The following CNTN5 variants were observed in gnomAD, a reference collection of about 807,000 sequenced individuals.
The protein encoded by CNTN5 is contactin-5.
Under a neutral mutation model 129.1 loss-of-function variants are expected in CNTN5, and 77 were observed. The ratio of observed to expected loss-of-function variants is 0.60; its 90% CI spans 0.50 to 0.72. CNTN5 has a LOEUF of 0.72. CNTN5 is among the 30% of genes least tolerant of loss of function. CNTN5 has a pLI of 0.00. For missense variants in CNTN5, 1,478 were observed against 1,328.8 expected (o/e 1.11, Z -1.75); for synonymous variants, 509 against 465.6 (o/e 1.09, Z -1.20).
At chr11:99,999,962 A>C (rs543819191) in intron 8 of CNTN5, among the ~76,000 whole-genome samples, 1 of 150,312 alleles carries the variant, frequency 6.7e-6, no homozygotes, top group Non-Finnish European at 1.5e-5. Flanking sequence ...AACAATGAGA[A>C]CACATGGACA....
chr11:100,083,311 C>G (rs61908088), intron 13 of CNTN5, among the ~76,000 whole-genome samples: 3,589 of 115,872 alleles, frequency 0.031, 64 homozygotes, highest in Non-Finnish European at 0.044. Flanking sequence ...GAGCAAAACT[C>G]TGTCTCAAAA....
intron 2 of CNTN5, among the ~76,000 whole-genome samples, chr11:99,334,539 A>G (rs1866139122): frequency 6.6e-6 from 1 of 152,168 alleles, no homozygotes; most frequent in East Asian, 1.9e-4. Context: ...ACACACAGAC[A>G]CACATACACA....
At chr11:99,662,697 A>G (rs1298378502) in intron 3 of CNTN5, among the ~76,000 whole-genome samples, 1 of 152,224 alleles carries the variant, frequency 6.6e-6, no homozygotes. Flanking sequence ...TAGGAGCTCA[A>G]GTACATTTGA....
intron 3 of CNTN5, among the ~76,000 whole-genome samples, chr11:99,774,563 C>A (rs1242602663): frequency 2.0e-5 from 3 of 151,766 alleles, no homozygotes; most frequent in Non-Finnish European, 2.9e-5. Flanking sequence ...TTAATGAGAG[C>A]TAGGAGGCCT....
chr11:99,328,730 CATG>C (rs1865882508), intron 2 of CNTN5, among the ~76,000 whole-genome samples: 1 of 151,508 alleles, frequency 6.6e-6, no homozygotes, highest in East Asian at 1.9e-4. Context: ...ATTAGCCAAG[CATG>C]ATGGTGCATG....
rs116552457 is a variant in CNTN5 at position 99,993,116 on chromosome 11, C to T, written c.878-8918C>T. On this transcript the variant is annotated intron_variant, in intron 8 of 24. Transcript: ENST00000524871. Reference sequence around the variant, plus strand: ...TCTGCCTAACAAAAGGAATTTGAAGCTAAACTGCACAAGATTTGAGATACT... The same window carrying T: ...TCTGCCTAACAAAAGGAATTTGAAGTTAAACTGCACAAGATTTGAGATACT... 2.6e-3 allele frequency among the ~76,000 whole-genome samples: 389 copies of T among 152,240 alleles called. 1 individual carries two copies. The highest frequency in any genetic ancestry group is 8.6e-3 in the African/African-American group (359 of 41,538).
At chr11:99,240,501 C>G (rs17133348) in intron 1 of CNTN5, among the ~76,000 whole-genome samples, 14,813 of 152,142 alleles carry the variant, frequency 0.097, 1,562 homozygotes, top group East Asian at 0.46. Context: ...AGGGCTATCT[C>G]TGGCCTGACT....
At chr11:99,602,778 G>T (rs1950355258) in intron 3 of CNTN5, among the ~76,000 whole-genome samples, 1 of 150,020 alleles carries the variant, frequency 6.7e-6, no homozygotes, top group Non-Finnish European at 1.5e-5. Context: ...CTCCTCAAGT[G>T]GGTCCCTGAC....
intron 2 of CNTN5, among the ~76,000 whole-genome samples, chr11:99,378,963 A>G (rs1940353892): frequency 6.6e-6 from 1 of 152,094 alleles, no homozygotes; most frequent in Admixed American, 6.6e-5. Context: ...AGATAGTTTG[A>G]CATGAATTCA....
chr11:99,339,849 G>A (rs955977840), intron 2 of CNTN5, among the ~76,000 whole-genome samples: 1 of 151,586 alleles, frequency 6.6e-6, no homozygotes, highest in East Asian at 1.9e-4. Context: ...AAGAGTGAGT[G>A]AGATGGAGAG....
intron 3 of CNTN5, among the ~76,000 whole-genome samples, chr11:99,687,431 A>T (rs1009614409): frequency 6.6e-6 from 1 of 152,128 alleles, no homozygotes; most frequent in East Asian, 1.9e-4. Context: ...CTTCTTAAAA[A>T]TGTTTTGAAG....
Position 100,255,895 on chromosome 11 carries a change from T to C in CNTN5, c.2141T>C (p.Leu714Pro). 6.2e-7 allele frequency: 1 copy of C among 1,613,878 alleles called. No individual in the cohort carries two copies. The highest frequency in any genetic ancestry group is 8.5e-7 in the Non-Finnish European group (1 of 1,179,842). Residue 714 changes from leucine to proline, a missense_variant, in exon 17 of 25, where the codon CTG (leucine) becomes CCG (proline). Leu to Pro is a moderately conservative substitution (Grantham distance 98). Transcript: ENST00000524871. ...CTTCAAGCTCGCAGCCCATTTTCCCTGGGCTGGCAAACAGTAAAGACAGGT... is the reference window on the plus strand; with the variant it reads ...CTTCAAGCTCGCAGCCCATTTTCCCCGGGCTGGCAAACAGTAAAGACAGGT... The part of the protein sequence containing the change: ...YNLQARSPFS[L>P]GWQTVKTVPE...
At chr11:99,061,691 C>A (rs1393881002) in intron 1 of CNTN5, among the ~76,000 whole-genome samples, 2 of 152,064 alleles carry the variant, frequency 1.3e-5, no homozygotes, top group Non-Finnish European at 2.9e-5. Flanking sequence ...GAAGGGGAGA[C>A]AATCTCTGTG....
chr11:99,904,920 G>T (rs138350304), intron 6 of CNTN5, among the ~76,000 whole-genome samples: 1,640 of 152,242 alleles, frequency 0.011, 16 homozygotes, highest in Non-Finnish European at 0.015. Flanking sequence ...TCATATGTTT[G>T]TCGGCTGCAT....
chr11:99,985,638 T>C (rs1700309538), intron 8 of CNTN5, among the ~76,000 whole-genome samples: 1 of 152,124 alleles, frequency 6.6e-6, no homozygotes, highest in African/African-American at 2.4e-5. Context: ...AAGGTGGAGT[T>C]TCACCAGGGA....
chr11:99,851,129 T>A (rs1947860417), intron 6 of CNTN5, among the ~76,000 whole-genome samples: 1 of 47,266 alleles, frequency 2.1e-5, no homozygotes, highest in Admixed American at 2.9e-4. Flanking sequence ...ATGAGGAACT[T>A]CATTTTAAAT....
At chr11:100,091,123 CT>C (rs1385020351) in intron 13 of CNTN5, among the ~76,000 whole-genome samples, 1 of 152,080 alleles carries the variant, frequency 6.6e-6, no homozygotes, top group Non-Finnish European at 1.5e-5. Flanking sequence ...TTTCTTCATG[CT>C]CATGAAAGTC....
At chr11:100,210,154 A>G (rs971526708) in intron 15 of CNTN5, among the ~76,000 whole-genome samples, 2 of 147,336 alleles carry the variant, frequency 1.4e-5, no homozygotes, top group African/African-American at 5.1e-5. Flanking sequence ...TGGGCAACAC[A>G]GTGAAAACCT....
intron 3 of CNTN5, among the ~76,000 whole-genome samples, chr11:99,761,749 G>C (rs1353038200): frequency 4.1e-5 from 6 of 145,896 alleles, no homozygotes; most frequent in African/African-American, 1.3e-4. Flanking sequence ...CTTTATAGCA[G>C]CATGATTTAT....
Sources: allele counts gnomAD v4.1 joint callset (sites outside exome capture counted in the v4.1 genomes callset), GRCh38; gene constraint gnomAD v4.1.1; transcripts MANE v1.5; gene names NCBI Gene and HGNC (gene_info 2026-07-23, HGNC 2026-07-21).